The following ZP3 variants were observed in gnomAD, a reference collection of about 807,000 sequenced individuals.
The protein encoded by ZP3 is zona pellucida sperm-binding protein 3.
Under a neutral mutation model 35.6 loss-of-function variants are expected in ZP3, and 21 were observed. That is an observed-to-expected ratio of 0.59 (90% confidence interval 0.42 to 0.85). The LOEUF is 0.85. Ranked by LOEUF, ZP3 falls within the 40% of genes least tolerant of loss-of-function variation. The pLI, the probability that ZP3 is intolerant of heterozygous loss-of-function variation, is 0.00. For synonymous variants in ZP3, 207 were observed against 214.5 expected (o/e 0.96, Z 0.31); for missense variants, 437 against 536.5 (o/e 0.81, Z 1.83).
chr7:76,415,114 G>A (rs1408336881), intron 1 of ZP3, among the ~76,000 whole-genome samples: 1 of 151,584 alleles, frequency 6.6e-6, no homozygotes, highest in Non-Finnish European at 1.5e-5. Flanking sequence ...GGTGGCTCAT[G>A]CCTGTAATCC....
chr7:76,405,881 T>C (rs1805008836), intron 1 of ZP3, among the ~76,000 whole-genome samples: 1 of 152,208 alleles, frequency 6.6e-6, no homozygotes, highest in Non-Finnish European at 1.5e-5. Context: ...TTGTTTTCTT[T>C]CTTTCCTTCC....
chr7:76,434,178 A>T, intron 5 of ZP3, 23 bp downstream of exon 5: 1 of 1,052,114 alleles, frequency 9.5e-7, no homozygotes, highest in African/African-American at 1.7e-5. Context: ...ACAGCCTGAA[A>T]GAAGGCTGAA....
intron 5 of ZP3, among the ~76,000 whole-genome samples, chr7:76,438,191 C>A (rs1181119408): frequency 6.6e-6 from 1 of 152,106 alleles, no homozygotes; most frequent in Non-Finnish European, 1.5e-5. Flanking sequence ...GGGGACGGGC[C>A]AAGGCTAGAC....
chr7:76,410,283 G>A (rs1230512536), intron 1 of ZP3, among the ~76,000 whole-genome samples: 2 of 151,688 alleles, frequency 1.3e-5, no homozygotes, highest in African/African-American at 2.4e-5. Flanking sequence ...CGCCTGCCTC[G>A]GCCTCCCAAA....
intron 1 of ZP3, among the ~76,000 whole-genome samples, chr7:76,415,108 G>T (rs1805338223): frequency 6.6e-6 from 1 of 151,536 alleles, no homozygotes; most frequent in South Asian, 2.1e-4. Flanking sequence ...CAGCGCGGTG[G>T]CTCATGCCTG....
intron 1 of ZP3, among the ~76,000 whole-genome samples, chr7:76,405,323 T>TTTTCTTTCTTTCTTTC (rs765504064): frequency 1.0e-4 from 3 of 29,172 alleles, no homozygotes; most frequent in African/African-American, 4.1e-4. Context: ...ATATGTATTT[T>TTTTCTTTCTTTCTTTC]TTTCTTTCTT....
intron 5 of ZP3, among the ~76,000 whole-genome samples, chr7:76,435,103 T>C (rs1293586185): frequency 2.0e-5 from 3 of 152,120 alleles, no homozygotes; most frequent in African/African-American, 2.4e-5. Context: ...TCCCAGCACT[T>C]TGGGAGGCTG....
At chr7:76,440,151 C>G in intron 5 of ZP3, 99 bp from the exon 6 acceptor site, 3 of 1,479,954 alleles carry the variant, frequency 2.0e-6, no homozygotes, top group Non-Finnish European at 2.7e-6. Context: ...CCGGCCCCTT[C>G]TCACTCTTTA....
chr7:76,433,948 C>G (rs1283728141), intron 4 of ZP3, 90 bp from the exon 5 acceptor site: 4 of 756,190 alleles, frequency 5.3e-6, no homozygotes, highest in Non-Finnish European at 6.5e-6. Flanking sequence ...ATCCACCCAC[C>G]TTGGCCTCCC....
At chr7:76,400,710 GT>G in intron 1 of ZP3, 1 of 1,195,350 alleles carries the variant, frequency 8.4e-7, no homozygotes, top group South Asian at 1.7e-5. Flanking sequence ...GTCTCACTAT[GT>G]TGCCAAGGCT....
Position 76,416,814 on chromosome 7 carries a change from C to CTATA in ZP3, c.-66-8237_-66-8236insATAT, listed in dbSNP as rs1434537409. ...ATGCTGTCTCTCTCTCTCTCTCTCT[C>CTATA]TCTATATATATATACATATACATAC... On this transcript the variant is annotated intron_variant, in intron 1 of 8. Coordinates refer to the ZP3 transcript ENST00000336517. 5.9e-3 allele frequency among the ~76,000 whole-genome samples: 774 copies of CTATA among 131,770 alleles called. 1 individual carries two copies. The highest frequency in any genetic ancestry group is 9.3e-3 in the Non-Finnish European group (575 of 61,518). The allele number at this position is 131,770 out of a possible 152,430, so 86.4% of individuals were successfully genotyped here. A position where few individuals can be genotyped will look rare whatever the true frequency, so the allele number is the denominator to read the frequency against.
rs372425061 is a variant in ZP3, at chr7:76,398,705, A to G, written c.-67+908A>G. ...CTCCCAAAACCCAGGTGGTGCCCAC[A>G]TTATGCTTACGTACTTTTTCCATTC... On this transcript the variant is annotated intron_variant, in intron 1 of 8. Transcript: ENST00000336517. The G allele has an allele frequency of 2.5e-6, 4 of 1,612,098 alleles. No individual in the cohort carries two copies. The African/African-American group carries it at 5.3e-5, about 22-fold the overall frequency.
intron 1 of ZP3, among the ~76,000 whole-genome samples, chr7:76,406,292 A>G (rs1004581459): frequency 2.6e-5 from 4 of 152,254 alleles, no homozygotes; most frequent in Non-Finnish European, 5.9e-5. Flanking sequence ...CATTCGAAAT[A>G]TAGTATTGGT....
chr7:76,398,738 T>C (rs1413410840), intron 1 of ZP3: 1 of 1,613,356 alleles, frequency 6.2e-7, no homozygotes, highest in African/African-American at 1.3e-5. Flanking sequence ...TTCGGCAGTG[T>C]CGTAGGAGGT....
Position 76,440,357 on chromosome 7 carries a change from G to A in ZP3, c.923+16G>A, listed in dbSNP as rs190677006. On this transcript the variant is annotated intron_variant, in intron 6 of 7. Transcript: ENST00000394857. ...CTTCCAACAGGTGAGGAGGACAGGT[G>A]CTCCGTGACTGGAGTAGAAACTGAA... The A allele has an allele frequency of 1.7e-5, 27 of 1,607,808 alleles. No individual in the cohort carries two copies. In the African/African-American group the frequency reaches 2.1e-4, roughly 13 times the overall value.
intron 1 of ZP3, among the ~76,000 whole-genome samples, chr7:76,411,927 G>A (rs1328017785): frequency 2.6e-5 from 4 of 152,084 alleles, no homozygotes; most frequent in African/African-American, 9.7e-5. Context: ...GTGAGGTGGC[G>A]TGTGCCTGTA....
chr7:76,436,804 G>T (rs1303569317), intron 5 of ZP3, among the ~76,000 whole-genome samples: 3 of 152,262 alleles, frequency 2.0e-5, no homozygotes, highest in African/African-American at 7.2e-5. Flanking sequence ...CATTTGGGAA[G>T]AAGATGGAGA....
intron 5 of ZP3, among the ~76,000 whole-genome samples, chr7:76,438,748 A>G (rs1362803911): frequency 3.6e-5 from 5 of 137,796 alleles, no homozygotes; most frequent in Non-Finnish European, 7.7e-5. Context: ...TATCCCTTAC[A>G]GGTGAAGGGA....
chr7:76,414,678 C>T (rs891639310), intron 1 of ZP3, among the ~76,000 whole-genome samples: 6 of 129,870 alleles, frequency 4.6e-5, no homozygotes. Context: ...TCCCCTTCCC[C>T]TTCCCCTCCT....
Sources: allele counts gnomAD v4.1 joint callset (sites outside exome capture counted in the v4.1 genomes callset), GRCh38; gene constraint gnomAD v4.1.1; transcripts MANE v1.5; gene names NCBI Gene and HGNC (gene_info 2026-07-23, HGNC 2026-07-21).